Variants in STPG2 observed in about 807,000 individuals in gnomAD.
The protein encoded by STPG2 is sperm tail PG-rich repeat containing 2, also known as sperm-tail PG-rich repeat-containing protein 2.
Under a neutral mutation model 54.2 loss-of-function variants are expected in STPG2, and 56 were observed. That is an observed-to-expected ratio of 1.03 (90% CI 0.83 to 1.29). The LOEUF is 1.29. STPG2 is among the 50% of genes most tolerant of loss of function. STPG2 has a pLI of 0.00. For synonymous variants in STPG2, 200 were observed against 181.8 expected (o/e 1.10, Z -0.81); for missense variants, 596 against 544.9 (o/e 1.09, Z -0.93).
Position 97,915,329 on chromosome 4 carries a change from G to A in STPG2, c.1044+28568C>T, listed in dbSNP as rs1023132448. On this transcript the variant is annotated intron_variant, in intron 8 of 10. Transcript: ENST00000295268. ...GTGCCAAGTGTTTTACCCAATCACT[G>A]CATATATAGCTCCCAATGACTCTGT... Among the ~76,000 whole-genome samples the A allele has an allele frequency of 1.8e-4, 28 of 152,120 alleles. 1 individual carries two copies. The highest frequency in any genetic ancestry group is 6.5e-5 in the Admixed American group (1 of 15,282).
At chr4:97,558,778 CTA>C, downstream of STPG2, 1 of 333,860 alleles carries the variant, frequency 3.0e-6, no homozygotes, top group Non-Finnish European at 5.4e-6. Context: ...ACCAAAGAAA[CTA>C]TGAGATAATA....
chr4:98,137,532 T>G (rs1740168794), intron 1 of STPG2, among the ~76,000 whole-genome samples: 3 of 151,804 alleles, frequency 2.0e-5, no homozygotes, highest in African/African-American at 7.2e-5. Context: ...ATTTTCTATG[T>G]AAGTATTCTA....
At chr4:97,791,455 C>T (rs2149080886) in intron 9 of STPG2, among the ~76,000 whole-genome samples, 1 of 152,054 alleles carries the variant, frequency 6.6e-6, no homozygotes, top group South Asian at 2.1e-4. Flanking sequence ...CATTTTTCTG[C>T]CTAGCACTAA....
chr4:98,087,773 G>A (rs1369277476), intron 5 of STPG2, among the ~76,000 whole-genome samples: 3 of 151,998 alleles, frequency 2.0e-5, no homozygotes, highest in Non-Finnish European at 2.9e-5. Context: ...TGTTAGCCAG[G>A]ATGGTCTCAA....
At chr4:97,912,613 T>C (rs1041609667) in intron 8 of STPG2, among the ~76,000 whole-genome samples, 2 of 151,380 alleles carry the variant, frequency 1.3e-5, no homozygotes, top group Non-Finnish European at 2.9e-5. Flanking sequence ...CAAACAAGAA[T>C]AGAGAGAAAA....
chr4:98,025,905 C>T, intron 5 of STPG2: 1 of 1,536,290 alleles, frequency 6.5e-7, no homozygotes, highest in Admixed American at 1.7e-5. Flanking sequence ...TTGTCTATCC[C>T]TCACAGTACC....
intron 10 of STPG2, among the ~76,000 whole-genome samples, chr4:97,559,842 C>T (rs1481533555): frequency 6.6e-6 from 1 of 152,178 alleles, no homozygotes; most frequent in Non-Finnish European, 1.5e-5. Context: ...TTTTAACCAA[C>T]ACTTCATTAC....
intron 10 of STPG2, among the ~76,000 whole-genome samples, chr4:97,686,405 T>G (rs954691079): frequency 6.6e-6 from 1 of 152,164 alleles, no homozygotes; most frequent in East Asian, 1.9e-4. Flanking sequence ...TAATCTTGGA[T>G]GTTGTGGCTT....
rs531256633 is a variant in STPG2 at position 97,953,723 on chromosome 4, T to G, written c.934-9716A>C. On this transcript the variant is annotated intron_variant, in intron 7 of 10. Coordinates refer to ENST00000295268, the MANE Select transcript of STPG2 (RefSeq NM_174952.3). Reference sequence around the variant, plus strand: ...TGGGCAGATTGCCAGGTTCCCCAGTTGGGGTGTGTATCCTGGAGGCATTCT... The same window carrying G: ...TGGGCAGATTGCCAGGTTCCCCAGTGGGGGTGTGTATCCTGGAGGCATTCT... Among the ~76,000 whole-genome samples the G allele has an allele frequency of 7.9e-5, 12 of 152,332 alleles. No homozygotes were observed. In the South Asian group the frequency reaches 1.9e-3, roughly 24 times the overall value.
chr4:97,815,221 G>GGTGT (rs150191381), intron 9 of STPG2, among the ~76,000 whole-genome samples: 1 of 152,014 alleles, frequency 6.6e-6, no homozygotes, highest in East Asian at 1.9e-4. Flanking sequence ...AACATTTACC[G>GGTGT]GTGTGTGTGT....
chr4:97,633,217 G>C (rs538201312), intron 10 of STPG2, among the ~76,000 whole-genome samples: 51 of 152,078 alleles, frequency 3.4e-4, no homozygotes, highest in African/African-American at 1.2e-3. Flanking sequence ...GACAGTCTTT[G>C]ATGCTTCTAA....
chr4:98,077,398 A>G (rs997437586), intron 5 of STPG2, among the ~76,000 whole-genome samples: 1 of 151,978 alleles, frequency 6.6e-6, no homozygotes, highest in African/African-American at 2.4e-5. Context: ...GCGTACCACC[A>G]CGCCCGCCTA....
intron 8 of STPG2, among the ~76,000 whole-genome samples, chr4:97,941,226 G>A (rs1732970211): frequency 6.6e-6 from 1 of 151,800 alleles, no homozygotes; most frequent in African/African-American, 2.4e-5. Flanking sequence ...ACTTTACTCT[G>A]TGGAAGCTTC....
chr4:97,929,742 T>C (rs1013396708), intron 8 of STPG2, among the ~76,000 whole-genome samples: 2 of 152,176 alleles, frequency 1.3e-5, no homozygotes, highest in Admixed American at 6.5e-5. Flanking sequence ...CTCTTGTAAA[T>C]TTGTTTAAGT....
intron 3 of STPG2, among the ~76,000 whole-genome samples, chr4:98,126,953 A>G (rs926847327): frequency 4.6e-5 from 7 of 152,048 alleles, no homozygotes; most frequent in Non-Finnish European, 7.4e-5. Flanking sequence ...TTTTAAAAAG[A>G]AACATCTAAC....
At chr4:97,880,448 A>G (rs1164070536) in intron 8 of STPG2, among the ~76,000 whole-genome samples, 1 of 152,220 alleles carries the variant, frequency 6.6e-6, no homozygotes, top group Non-Finnish European at 1.5e-5. Context: ...GGCAAGATCT[A>G]TTTCATTTAG....
chr4:97,482,892 G>A lies in STPG2; in HGVS notation c.462+229807C>T, dbSNP rs183288878. Among the ~76,000 whole-genome samples the A allele has an allele frequency of 6.0e-3, 914 of 151,694 alleles. 5 individuals carry two copies. The highest frequency in any genetic ancestry group is 0.02 in the South Asian group (97 of 4,816). The stretch of plus-strand genomic sequence containing the variant: ...AAACCCTACAAGCTAGAAGGGATTG[G>A]GGTCCTATCTTCAGCCTCCTCAAAC... On this transcript the variant is annotated intron_variant, in intron 4 of 4. Transcript: ENST00000522676.
At chr4:97,758,582 T>C (rs1725798269) in intron 9 of STPG2, among the ~76,000 whole-genome samples, 1 of 151,552 alleles carries the variant, frequency 6.6e-6, no homozygotes, top group Non-Finnish European at 1.5e-5. Flanking sequence ...TGAAAACCAA[T>C]GGACACAGGG....
intron 9 of STPG2, among the ~76,000 whole-genome samples, chr4:97,782,561 A>G (rs879120402): frequency 6.6e-6 from 1 of 152,232 alleles, no homozygotes; most frequent in African/African-American, 2.4e-5. Context: ...CTTTCTTCAC[A>G]GAATTCAAAA....
Sources: gnomAD v4.1 joint callset for allele counts (sites outside exome capture counted in the v4.1 genomes callset) on GRCh38, gnomAD v4.1.1 for gene constraint, MANE v1.5 for transcripts, NCBI Gene and HGNC (gene_info 2026-07-23, HGNC 2026-07-21) for gene names.